Variants in DNAJB4 observed in about 807,000 individuals in gnomAD.
DNAJB4 encodes the protein DnaJ heat shock protein family (Hsp40) member B4.
A neutral mutation model predicts 26.6 loss-of-function variants in DNAJB4; 10 were observed. That is an observed-to-expected ratio of 0.38 (90% CI 0.23 to 0.64). The LOEUF (loss-of-function observed/expected upper bound fraction) is 0.64, where lower values mean the gene tolerates loss of function less well. DNAJB4 is among the 30% of genes least tolerant of loss of function. The pLI is 0.58. For missense variants in DNAJB4, 328 were observed against 408.2 expected, an observed-to-expected ratio of 0.80 and a Z score of 1.69; for synonymous variants, 136 against 134.8, an observed-to-expected ratio of 1.01 and a Z score of -0.06.
chr1:78,008,705 G>A (rs1014678022), intron 1 of DNAJB4, among the ~76,000 whole-genome samples: 5 of 152,158 alleles, frequency 3.3e-5, no homozygotes, highest in South Asian at 2.1e-4. Context: ...CAATTGAATT[G>A]TATTTGTACA....
intron 1 of DNAJB4, chr1:77,981,162 A>G (rs1007001118): frequency 4.4e-5 from 6 of 134,878 alleles, no homozygotes; most frequent in African/African-American, 1.1e-4. Flanking sequence ...AAGGACCTCA[A>G]TTTTTTTTTT....
upstream of DNAJB4, among the ~76,000 whole-genome samples, chr1:78,002,106 A>G (rs1056201789): frequency 6.6e-6 from 1 of 152,098 alleles, no homozygotes; most frequent in East Asian, 1.9e-4. Context: ...GACTATTTCT[A>G]TGTATTTTTT....
chr1:78,004,823 G>A (rs1660288079), upstream of DNAJB4: 2 of 342,148 alleles, frequency 5.8e-6, no homozygotes, highest in Non-Finnish European at 1.1e-5. Flanking sequence ...GGAAAGTGAC[G>A]TCCTGTAGCA....
chr1:77,985,302 T>G (rs1325464188), intron 1 of DNAJB4, among the ~76,000 whole-genome samples: 1 of 152,184 alleles, frequency 6.6e-6, no homozygotes, highest in Non-Finnish European at 1.5e-5. Context: ...GACATTTCCA[T>G]GTCTCTATTT....
intron 1 of DNAJB4, among the ~76,000 whole-genome samples, chr1:77,982,305 C>T (rs1191891136): frequency 6.6e-6 from 1 of 152,182 alleles, no homozygotes; most frequent in Non-Finnish European, 1.5e-5. Context: ...TGTTCTTATT[C>T]TCCCTTTTTT....
At chr1:78,002,513 C>T (rs1379981689), upstream of DNAJB4, among the ~76,000 whole-genome samples, 1 of 152,066 alleles carries the variant, frequency 6.6e-6, no homozygotes, top group African/African-American at 2.4e-5. Context: ...TATATTTGTA[C>T]ATATAATTAT....
chr1:78,008,200 A>G (rs1660379598), intron 1 of DNAJB4, among the ~76,000 whole-genome samples: 2 of 152,186 alleles, frequency 1.3e-5, no homozygotes, highest in African/African-American at 4.8e-5. Flanking sequence ...AGAAAAAGCA[A>G]AGGAAAGAAA....
intron 1 of DNAJB4, among the ~76,000 whole-genome samples, chr1:78,007,777 T>C (rs760460839): frequency 6.6e-6 from 1 of 152,196 alleles, no homozygotes; most frequent in Non-Finnish European, 1.5e-5. Flanking sequence ...TGCCTTTTAT[T>C]TATCTCCAGA....
upstream of DNAJB4, among the ~76,000 whole-genome samples, chr1:77,979,878 GT>G (rs111247352): frequency 1.3e-5 from 2 of 149,666 alleles, no homozygotes; most frequent in African/African-American, 2.5e-5. Flanking sequence ...TTTATTAAGG[GT>G]TTTTTTTTGT....
Position 78,016,900 on chromosome 1 carries a change from G to C in DNAJB4, c.*653G>C, listed in dbSNP as rs1660654805. On this transcript the variant is annotated 3_prime_UTR_variant, in exon 3 of 3. Transcript: ENST00000370763. ...GGAAATCCCAATTGCTTGAATTACT[G>C]ATATTTTAGAATAGACTTTTTAAAA... The C allele has an allele frequency of 6.6e-6, 1 of 152,082 alleles. No individual in the cohort carries two copies. Among genetic ancestry groups the C allele is most frequent in the African/African-American group, 2.4e-5 (1 of 41,432 alleles). 9.4% of individuals were successfully genotyped at this position (152,082 alleles called of 1,614,324 possible). A position where few individuals can be genotyped will look rare whatever the true frequency, so the allele number is the denominator to read the frequency against.
At chr1:77,980,473 ATAG>A (rs902684075) in intron 1 of DNAJB4, among the ~76,000 whole-genome samples, 7 of 152,044 alleles carry the variant, frequency 4.6e-5, no homozygotes, top group African/African-American at 1.7e-4. Context: ...TACTGTGTTA[ATAG>A]TAGTAAGCTC....
intron 1 of DNAJB4, among the ~76,000 whole-genome samples, chr1:78,011,305 TACAGCTCTTG>T (rs1047828113): frequency 1.3e-5 from 2 of 152,202 alleles, no homozygotes; most frequent in African/African-American, 4.8e-5. Context: ...TGTCAAAGTT[TACAGCTCTTG>T]ATTTCAGTCT....
chr1:77,981,533 C>T (rs995025539), intron 1 of DNAJB4, among the ~76,000 whole-genome samples: 4 of 152,148 alleles, frequency 2.6e-5, no homozygotes, highest in Non-Finnish European at 4.4e-5. Flanking sequence ...AGGCTGGTCT[C>T]GAACTCCTGA....
At chr1:77,996,711 A>G (rs562074648) in intron 1 of DNAJB4, among the ~76,000 whole-genome samples, 1 of 152,332 alleles carries the variant, frequency 6.6e-6, no homozygotes, top group South Asian at 2.1e-4. Flanking sequence ...GGGAATTACT[A>G]ATATTACTGT....
At chr1:77,979,808 C>T (rs1226310382), upstream of DNAJB4, among the ~76,000 whole-genome samples, 2 of 152,098 alleles carry the variant, frequency 1.3e-5, no homozygotes, top group Non-Finnish European at 2.9e-5. Flanking sequence ...CGTGATTGTT[C>T]TTAAAGTTCA....
intron 1 of DNAJB4, among the ~76,000 whole-genome samples, chr1:77,997,557 C>T (rs958467579): frequency 7.9e-5 from 12 of 151,926 alleles, no homozygotes; most frequent in Non-Finnish European, 1.2e-4. Flanking sequence ...TGCCAGCTTC[C>T]CAGGGCAAGC....
At chr1:77,995,007 G>A (rs1660027356) in intron 1 of DNAJB4, among the ~76,000 whole-genome samples, 1 of 152,040 alleles carries the variant, frequency 6.6e-6, no homozygotes, top group Non-Finnish European at 1.5e-5. Flanking sequence ...CGACTAGAAG[G>A]AACCACTAGA....
intron 1 of DNAJB4, among the ~76,000 whole-genome samples, chr1:77,987,321 T>C (rs1331328888): frequency 6.6e-6 from 1 of 152,206 alleles, no homozygotes; most frequent in African/African-American, 2.4e-5. Context: ...TGAAGTGCAG[T>C]GGTGCAATCT....
chr1:77,988,312 T>C (rs1007274860), intron 1 of DNAJB4, among the ~76,000 whole-genome samples: 1 of 152,150 alleles, frequency 6.6e-6, no homozygotes, highest in African/African-American at 2.4e-5. Flanking sequence ...TCTGAGCCAC[T>C]GTGCCCATCA....
Sources: gnomAD v4.1 joint callset for allele counts (sites outside exome capture counted in the v4.1 genomes callset) on GRCh38, gnomAD v4.1.1 for gene constraint, MANE v1.5 for transcripts, NCBI Gene and HGNC (gene_info 2026-07-23, HGNC 2026-07-21) for gene names.